TSPAN33: variants seen among roughly 807,000 people sequenced by gnomAD.
TSPAN33 encodes tetraspanin-33.
TSPAN33 carries 27 observed loss-of-function variants against 34.8 expected under a neutral mutation model. That is an observed-to-expected ratio of 0.78 (90% CI 0.57 to 1.07). The LOEUF is 1.07. TSPAN33 is among the 50% of genes least tolerant of loss of function. The pLI, the probability that TSPAN33 is intolerant of heterozygous loss-of-function variation, is 0.00. For missense variants in TSPAN33, 272 were observed against 324.9 expected, an observed-to-expected ratio of 0.84 and a Z score of 1.25; for synonymous variants, 119 against 124.2, an observed-to-expected ratio of 0.96 and a Z score of 0.28.
chr7:129,149,241 T>C (rs1179744185), intron 1 of TSPAN33, among the ~76,000 whole-genome samples: 1 of 152,086 alleles, frequency 6.6e-6, no homozygotes, highest in Non-Finnish European at 1.5e-5. Context: ...TAGAAAACCA[T>C]AAACGTCAAG....
rs1289540891 is a variant in TSPAN33 at position 129,148,421 on chromosome 7, T to C, written c.102+3339T>C. Among the ~76,000 whole-genome samples, 3 of 152,218 alleles carry C rather than the reference T, an allele frequency of 2.0e-5. No individual in the cohort carries two copies. Among genetic ancestry groups the C allele is most frequent in the Non-Finnish European group, 2.9e-5 (2 of 68,036 alleles). ...CGAGGGTGGGCACGGCCCTATTCAC[T>C]TCTGGATCCCCAGTGCCCAGCTGTG... On this transcript the variant is annotated intron_variant, in intron 1 of 7. Coordinates refer to ENST00000486685, the MANE Select transcript of TSPAN33 (RefSeq NM_178562.5). The surrounding 1 kb of genome is among the most constrained non-coding windows in gnomAD (Gnocchi z 4.2).
Position 129,166,821 on chromosome 7 carries a change from A to G in TSPAN33, c.503A>G (p.Asn168Ser). The G allele has an allele frequency of 6.2e-7, 1 of 1,614,184 alleles. No homozygotes were observed. The change falls in exon 6 of 8, where the codon AAC becomes AGC. Residue 168 changes from asparagine (N) to serine (S), a missense_variant. Asn to Ser is a conservative substitution (Grantham distance 46, BLOSUM62 1). Transcript: ENST00000486685. ...ATTTCCTACAAGGACTGGTCTCAGA[A>G]CATGTATTTCAACTGCTCAGAAGAC... The part of the protein sequence containing the change: ...GGISYKDWSQ[N>S]MYFNCSEDNP...
intron 2 of TSPAN33, 49 bp from the exon 3 acceptor site, chr7:129,162,345 G>T (rs771582801): frequency 1.2e-6 from 2 of 1,603,460 alleles, no homozygotes; most frequent in East Asian, 2.2e-5. Flanking sequence ...CCATCCAGGG[G>T]TTCCTCAGTG....
intron 1 of TSPAN33, among the ~76,000 whole-genome samples, chr7:129,146,278 A>G (rs1431897990): frequency 2.0e-5 from 3 of 152,234 alleles, no homozygotes; most frequent in Non-Finnish European, 4.4e-5. Flanking sequence ...CTGTTGGGAC[A>G]AATGAGAGAA....
chr7:129,156,296 A>G (rs1489885467), intron 1 of TSPAN33, among the ~76,000 whole-genome samples: 7 of 152,144 alleles, frequency 4.6e-5, no homozygotes, highest in Admixed American at 6.5e-5. Context: ...CAGCAACATG[A>G]TCATTGTTGA....
intron 2 of TSPAN33, 50 bp downstream of exon 2, chr7:129,161,786 C>T (rs60745862): frequency 1.2e-6 from 2 of 1,609,720 alleles, no homozygotes; most frequent in Admixed American, 1.7e-5. Flanking sequence ...ATGCCCCTTT[C>T]CCCTCTGCCT....
chr7:129,156,751 G>T (rs1158243449), intron 1 of TSPAN33, among the ~76,000 whole-genome samples: 1 of 152,054 alleles, frequency 6.6e-6, no homozygotes, highest in Non-Finnish European at 1.5e-5. Flanking sequence ...TTTCTTTGGG[G>T]CACTACAAGA....
chr7:129,162,814 T>G lies in TSPAN33; in HGVS notation c.289-19T>G. 6.2e-7 allele frequency: 1 copy of G among 1,613,244 alleles called. No individual in the cohort carries two copies. Among genetic ancestry groups the G allele is most frequent in the Non-Finnish European group, 8.5e-7 (1 of 1,179,878 alleles). On this transcript the variant is annotated intron_variant, in intron 3 of 7. Coordinates refer to ENST00000486685, the MANE Select transcript of TSPAN33 (RefSeq NM_178562.5). The stretch of plus-strand genomic sequence containing the variant: ...GCCATGAGTGGTCCTAGACGCCTCT[T>G]CTTCCTGCTGCTCCACAGTTCTCCC...
intron 1 of TSPAN33, among the ~76,000 whole-genome samples, chr7:129,149,158 A>ACCAT (rs1199272780): frequency 2.0e-5 from 3 of 152,242 alleles, no homozygotes; most frequent in African/African-American, 7.2e-5. Context: ...GAAGACAAGA[A>ACCAT]CCATCTCCTT....
chr7:129,167,855 G>A lies in TSPAN33; in HGVS notation c.833G>A (p.Arg278Gln), dbSNP rs753157658. 4.3e-5 allele frequency: 70 copies of A among 1,613,844 alleles called. 1 individual carries two copies. Among genetic ancestry groups the A allele is most frequent in the Middle Eastern group, 3.3e-4 (2 of 6,082 alleles). ...IKLQLYNQQH[R>Q]ADPWY The stretch of plus-strand genomic sequence containing the variant: ...CTACAGCTCTACAACCAGCAGCACC[G>A]GGCTGACCCATGGTACTGAGAATCC... Residue 278 changes from arginine (R) to glutamine (Q), a missense_variant, in exon 8 of 8, where the codon CGG becomes CAG. Physicochemically the swap from Arg to Gln is conservative, Grantham distance 43. Coordinates refer to ENST00000486685, the MANE Select transcript of TSPAN33 (RefSeq NM_178562.5). The surrounding 1 kb of genome is among the most constrained non-coding windows in gnomAD (Gnocchi z 4.6).
intron 1 of TSPAN33, among the ~76,000 whole-genome samples, chr7:129,154,446 T>A (rs1810640870): frequency 6.6e-6 from 1 of 151,544 alleles, no homozygotes; most frequent in Admixed American, 6.6e-5. Context: ...AAATCTGATG[T>A]TAAAAAATGT....
In TSPAN33 at chr7:129,144,955, CCGGGGG is replaced by C; in HGVS notation, c.-22_-17del. On this transcript the variant is annotated 5_prime_UTR_variant, in exon 1 of 8. Coordinates refer to ENST00000486685, the MANE Select transcript of TSPAN33 (RefSeq NM_178562.5). ...CCGGCAGCCGCTGGGAAATAGGCCC[CCGGGGG>C]CGGTGGCGGCGGCGGGGCCATGGCG... 1 of 584,796 alleles carries C rather than the reference CCGGGGG, an allele frequency of 1.7e-6. No homozygotes were observed. The highest frequency in any genetic ancestry group is 3.1e-6 in the Non-Finnish European group (1 of 325,084). The allele number at this position is 584,796 out of a possible 1,614,324, so 36.2% of individuals were successfully genotyped here. A position where few individuals can be genotyped will look rare whatever the true frequency, so the allele number is the denominator to read the frequency against.
chr7:129,169,375 G>A lies in TSPAN33; in HGVS notation c.*1501G>A, dbSNP rs1314938460. On this transcript the variant is annotated 3_prime_UTR_variant, in exon 8 of 8. Transcript: ENST00000486685. ...TGGTCCCCGCCCCCGCGGCGGCCTA[G>A]GCCCGCGCCTGCGTCCCCCAACCCG... 6.6e-6 allele frequency: 1 copy of A among 152,174 alleles called. No individual in the cohort carries two copies. Among genetic ancestry groups the A allele is most frequent in the Non-Finnish European group, 1.5e-5 (1 of 68,036 alleles). 9.4% of individuals were successfully genotyped at this position (152,174 alleles called of 1,614,324 possible). A position where few individuals can be genotyped will look rare whatever the true frequency, so the allele number is the denominator to read the frequency against.
At chr7:129,149,846 A>T (rs992000082) in intron 1 of TSPAN33, among the ~76,000 whole-genome samples, 2 of 152,218 alleles carry the variant, frequency 1.3e-5, no homozygotes, top group African/African-American at 4.8e-5. Flanking sequence ...TCCCATGGAC[A>T]GCCGCCACCT....
chr7:129,163,251 A>C (rs1793079548), intron 4 of TSPAN33, among the ~76,000 whole-genome samples: 1 of 152,164 alleles, frequency 6.6e-6, no homozygotes, highest in South Asian at 2.1e-4. Flanking sequence ...TATTTCTTTT[A>C]AAAATTGTTT....
Position 129,166,831 on chromosome 7 carries a change from C to T in TSPAN33, c.513C>T (p.Phe171=). 1 of 1,614,184 alleles carries T rather than the reference C, an allele frequency of 6.2e-7. No individual in the cohort carries two copies. The highest frequency in any genetic ancestry group is 8.5e-7 in the Non-Finnish European group (1 of 1,180,028). The stretch of plus-strand genomic sequence containing the variant: ...AGGACTGGTCTCAGAACATGTATTT[C>T]AACTGCTCAGAAGACAACCCCAGTC... The part of the protein sequence containing the change: ...SYKDWSQNMY[F]NCSEDNPSRE... The change falls in exon 6 of 8, where the codon TTC becomes TTT. Residue 171 remains phenylalanine (F), a synonymous_variant. Coordinates refer to ENST00000486685, the MANE Select transcript of TSPAN33 (RefSeq NM_178562.5).
intron 1 of TSPAN33, among the ~76,000 whole-genome samples, chr7:129,158,966 G>A (rs573930802): frequency 3.3e-5 from 5 of 151,810 alleles, no homozygotes; most frequent in African/African-American, 1.2e-4. Flanking sequence ...GGCCAGGATG[G>A]TCTCAATCTC....
At chr7:129,162,222 C>T (rs1347175206) in intron 2 of TSPAN33, among the ~76,000 whole-genome samples, 172 bp from the exon 3 acceptor site, 1 of 152,230 alleles carries the variant, frequency 6.6e-6, no homozygotes. Flanking sequence ...CCTTCTGGGC[C>T]CTTTTTGGTT....
In TSPAN33 at chr7:129,167,031, G is replaced by A. The variant is rs1279121172; in HGVS notation, c.588+125G>A. On this transcript the variant is annotated intron_variant, in intron 6 of 7. Transcript: ENST00000486685. The surrounding 1 kb of genome is among the most constrained non-coding windows in gnomAD (Gnocchi z 4.6). ...GATCAGTCATGTGGGACAGCTGTCAGGTGTTTTTCTTCACCCCAACCTGAT... is the reference window on the plus strand; with the variant it reads ...GATCAGTCATGTGGGACAGCTGTCAAGTGTTTTTCTTCACCCCAACCTGAT... The A allele has an allele frequency of 2.5e-6, 3 of 1,216,806 alleles. No individual in the cohort carries two copies. Among genetic ancestry groups the A allele is most frequent in the Non-Finnish European group, 2.3e-6 (2 of 869,534 alleles). The allele number at this position is 1,216,806 out of a possible 1,614,324, so 75.4% of individuals were successfully genotyped here. A position where few individuals can be genotyped will look rare whatever the true frequency, so the allele number is the denominator to read the frequency against.
Sources: allele counts gnomAD v4.1 joint callset (sites outside exome capture counted in the v4.1 genomes callset), GRCh38; gene constraint gnomAD v4.1.1; non-coding constraint Gnocchi (gnomAD v3.1); transcripts MANE v1.5; gene names NCBI Gene and HGNC (gene_info 2026-07-23, HGNC 2026-07-21).